ZNF804B: variants seen among roughly 807,000 people sequenced by gnomAD.
ZNF804B encodes the protein zinc finger 804B.
In ZNF804B, 80 loss-of-function variants were observed where a neutral mutation model predicts 101.4. The observed-to-expected ratio is 0.79, with a 90% CI of 0.66 to 0.95. The LOEUF is 0.95. ZNF804B is among the 40% of genes least tolerant of loss of function. ZNF804B has a pLI of 0.00. For missense variants in ZNF804B, 1,673 were observed against 1,561.9 expected, an observed-to-expected ratio of 1.07 and a Z score of -1.20; for synonymous variants, 622 against 558.8, an observed-to-expected ratio of 1.11 and a Z score of -1.59.
chr7:89,028,170 C>A (rs1788779654), intron 1 of ZNF804B, among the ~76,000 whole-genome samples: 1 of 151,848 alleles, frequency 6.6e-6, no homozygotes, highest in Admixed American at 6.6e-5. Flanking sequence ...CAATATATAA[C>A]AAATAATATA....
intron 2 of ZNF804B, among the ~76,000 whole-genome samples, chr7:89,270,152 T>C (rs1023385179): frequency 6.6e-6 from 1 of 152,202 alleles, no homozygotes; most frequent in Non-Finnish European, 1.5e-5. Flanking sequence ...GCCTATGTCC[T>C]GAATGGTATT....
Position 89,227,872 on chromosome 7 carries a change from A to G in ZNF804B, c.249+9577A>G, listed in dbSNP as rs866754548. ...CATTCCATGAGATCTCTCAACAGGGAAAAAAATATGTCATTTGTTTTAGAA... is the reference window on the plus strand; with the variant it reads ...CATTCCATGAGATCTCTCAACAGGGGAAAAAATATGTCATTTGTTTTAGAA... On this transcript the variant is annotated intron_variant, in intron 2 of 3. Coordinates refer to ENST00000333190, the MANE Select transcript of ZNF804B (RefSeq NM_181646.5). 3.9e-5 allele frequency among the ~76,000 whole-genome samples: 6 copies of G among 152,336 alleles called. No individual in the cohort carries two copies. In the East Asian group the frequency reaches 5.8e-4, roughly 15 times the overall value.
intron 1 of ZNF804B, among the ~76,000 whole-genome samples, chr7:89,019,703 G>T (rs1448443370): frequency 6.6e-6 from 1 of 151,902 alleles, no homozygotes; most frequent in African/African-American, 2.4e-5. Context: ...TTACTGAATT[G>T]ATCCCTTATT....
chr7:88,961,890 T>A (rs1793390354), intron 1 of ZNF804B, among the ~76,000 whole-genome samples: 1 of 151,366 alleles, frequency 6.6e-6, no homozygotes, highest in Non-Finnish European at 1.5e-5. Flanking sequence ...ACATATCTCC[T>A]ATGAAAAGGG....
At chr7:89,007,449 TATA>T (rs1788383289) in intron 1 of ZNF804B, among the ~76,000 whole-genome samples, 1 of 61,818 alleles carries the variant, frequency 1.6e-5, no homozygotes, top group East Asian at 4.0e-4. Context: ...CATGATTTTA[TATA>T]TATATATATA....
At chr7:89,115,320 A>C (rs1790293001) in intron 1 of ZNF804B, among the ~76,000 whole-genome samples, 1 of 152,226 alleles carries the variant, frequency 6.6e-6, no homozygotes, top group Admixed American at 6.5e-5. Context: ...CTTTACTCTT[A>C]ACAGGAAAAT....
chr7:88,972,454 T>G (rs1278320930), intron 1 of ZNF804B, among the ~76,000 whole-genome samples: 1 of 151,408 alleles, frequency 6.6e-6, no homozygotes, highest in Non-Finnish European at 1.5e-5. Flanking sequence ...TTTTATTCAG[T>G]CTTTTTCCCT....
At chr7:89,052,287 G>C (rs1170801617) in intron 1 of ZNF804B, among the ~76,000 whole-genome samples, 1 of 151,898 alleles carries the variant, frequency 6.6e-6, no homozygotes, top group African/African-American at 2.4e-5. Context: ...ACAGGTGTGT[G>C]CCACCATTCC....
At chr7:88,849,963 T>G (rs1473756906) in intron 1 of ZNF804B, among the ~76,000 whole-genome samples, 1 of 151,966 alleles carries the variant, frequency 6.6e-6, no homozygotes, top group Non-Finnish European at 1.5e-5. Context: ...ATAATAAAAA[T>G]GTACCAGCAA....
chr7:89,313,471 C>T (rs1396423812), intron 2 of ZNF804B, among the ~76,000 whole-genome samples: 1 of 152,120 alleles, frequency 6.6e-6, no homozygotes, highest in African/African-American at 2.4e-5. Flanking sequence ...CTGGAATAGA[C>T]AGATGTTTAC....
chr7:88,900,126 T>C (rs975900808), intron 1 of ZNF804B, among the ~76,000 whole-genome samples: 3 of 152,120 alleles, frequency 2.0e-5, no homozygotes, highest in Admixed American at 1.3e-4. Flanking sequence ...AAAATACTTA[T>C]TTTAGAACAA....
intron 1 of ZNF804B, among the ~76,000 whole-genome samples, chr7:89,159,862 T>C (rs1293094558): frequency 6.6e-6 from 1 of 152,092 alleles, no homozygotes; most frequent in Non-Finnish European, 1.5e-5. Flanking sequence ...ATATAAAATA[T>C]TTGGGAAAGT....
At chr7:88,820,709 T>C (rs1460030186) in intron 1 of ZNF804B, among the ~76,000 whole-genome samples, 2 of 152,138 alleles carry the variant, frequency 1.3e-5, no homozygotes, top group African/African-American at 4.8e-5. Flanking sequence ...CCTTTTCTTA[T>C]TGCTGTTCTC....
intron 1 of ZNF804B, among the ~76,000 whole-genome samples, chr7:88,933,735 A>G (rs951270118): frequency 6.6e-6 from 1 of 152,048 alleles, no homozygotes; most frequent in Non-Finnish European, 1.5e-5. Flanking sequence ...GATGAAAACT[A>G]CAAACCACTG....
intron 1 of ZNF804B, among the ~76,000 whole-genome samples, chr7:89,042,210 A>G (rs183187019): frequency 5.9e-5 from 9 of 152,312 alleles, no homozygotes; most frequent in Non-Finnish European, 5.9e-5. Context: ...AAGTTATTCA[A>G]TGTAGATAAA....
intron 1 of ZNF804B, among the ~76,000 whole-genome samples, chr7:89,131,210 C>A (rs931081862): frequency 2.0e-5 from 3 of 151,978 alleles, no homozygotes; most frequent in African/African-American, 7.2e-5. Flanking sequence ...AGCCCAATAT[C>A]AAAGTCTGCT....
intron 1 of ZNF804B, among the ~76,000 whole-genome samples, chr7:88,827,561 T>C (rs1791067320): frequency 6.6e-6 from 1 of 152,116 alleles, no homozygotes; most frequent in South Asian, 2.1e-4. Context: ...TCTTTAGTTT[T>C]TGCCACTCAT....
At chr7:88,963,282 G>C (rs1793413362) in intron 1 of ZNF804B, among the ~76,000 whole-genome samples, 1 of 151,294 alleles carries the variant, frequency 6.6e-6, no homozygotes, top group South Asian at 2.1e-4. Context: ...CAAAGGTACA[G>C]TAATCCAAAC....
At chr7:88,932,563 A>T (rs1425041103) in intron 1 of ZNF804B, among the ~76,000 whole-genome samples, 1 of 151,870 alleles carries the variant, frequency 6.6e-6, no homozygotes, top group African/African-American at 2.4e-5. Context: ...GAAACTGGAG[A>T]TTTTAAAACC....
Sources: gnomAD v4.1 joint callset for allele counts (sites outside exome capture counted in the v4.1 genomes callset) on GRCh38, gnomAD v4.1.1 for gene constraint, MANE v1.5 for transcripts, NCBI Gene and HGNC (gene_info 2026-07-23, HGNC 2026-07-21) for gene names.